AFF3: variants seen among roughly 807,000 people sequenced by gnomAD.
AFF3 encodes the protein ALF transcription elongation factor 3, also known as AF4/FMR2 family member 3.
In AFF3, 32 loss-of-function variants were observed where a neutral mutation model predicts 129.7. The ratio of observed to expected loss-of-function variants is 0.25; its 90% confidence interval spans 0.19 to 0.33. The LOEUF (loss-of-function observed/expected upper bound fraction) is 0.33. Among genes scored for constraint, AFF3 ranks in the 10% least tolerant of loss-of-function variants. AFF3 has a pLI of 1.00. For synonymous variants in AFF3, 644 were observed against 635.4 expected, an observed-to-expected ratio of 1.01 and a Z score of -0.20; for missense variants, 1,373 against 1,592.0, an observed-to-expected ratio of 0.86 and a Z score of 2.34.
At chr2:100,123,413 G>A (rs1031246924) in intron 2 of AFF3, among the ~76,000 whole-genome samples, 5 of 152,084 alleles carry the variant, frequency 3.3e-5, no homozygotes, top group Admixed American at 2.6e-4. Context: ...TATGAAAGTC[G>A]ATATTAACAA....
chr2:100,009,515 A>G (rs1371686768), intron 4 of AFF3, among the ~76,000 whole-genome samples: 1 of 152,156 alleles, frequency 6.6e-6, no homozygotes, highest in Non-Finnish European at 1.5e-5. Flanking sequence ...TATATTTGAC[A>G]CTATCACTCC....
intron 18 of AFF3, among the ~76,000 whole-genome samples, chr2:99,569,312 T>C (rs1204287082): frequency 1.3e-5 from 2 of 152,236 alleles, no homozygotes; most frequent in Non-Finnish European, 2.9e-5. Flanking sequence ...TATGGCTATA[T>C]ATGGGTGAGT....
At position 100,007,164 on chromosome 2, in the gene AFF3, G is replaced by A. The variant is rs781371392; in HGVS notation, c.471C>T (p.Asp157=). 2.4e-5 allele frequency: 39 copies of A among 1,614,126 alleles called. No individual in the cohort carries two copies. Among genetic ancestry groups the A allele is most frequent in the African/African-American group, 1.5e-4 (11 of 75,052 alleles). ...TGTGCTTACTTGCTCTCTGTTGGCCGTCAGAGGGTGGGTGCCCAGCCTTCT... is the reference window on the plus strand; with the variant it reads ...TGTGCTTACTTGCTCTCTGTTGGCCATCAGAGGGTGGGTGCCCAGCCTTCT... The part of the protein sequence containing the change: ...GWQKAGHPPS[D]GQQRATQQGS... The change falls in exon 6 of 25, where the codon GAC becomes GAT. Residue 157 remains aspartate, a synonymous_variant. Coordinates refer to ENST00000672756, the MANE Select transcript of AFF3 (RefSeq NM_001386135.1).
intron 2 of AFF3, among the ~76,000 whole-genome samples, chr2:100,125,260 G>A (rs1417763500): frequency 6.6e-6 from 1 of 152,150 alleles, no homozygotes; most frequent in Non-Finnish European, 1.5e-5. Flanking sequence ...CAATGTCCAA[G>A]ATTCTGGGAG....
chr2:99,748,440 C>A (rs998529415), intron 9 of AFF3, among the ~76,000 whole-genome samples: 3 of 152,122 alleles, frequency 2.0e-5, no homozygotes, highest in African/African-American at 7.2e-5. Context: ...GTGAGTCCAG[C>A]AAGTTAGCGG....
At position 99,601,771 on chromosome 2, in the gene AFF3, G is replaced by A. The variant is rs879198912; in HGVS notation, c.1185-150C>T. 62 of 970,970 alleles carry A rather than the reference G, an allele frequency of 6.4e-5. No homozygotes were observed. The South Asian group carries it at 1.0e-3, about 16-fold the overall frequency. 60.1% of individuals were successfully genotyped at this position (970,970 alleles called of 1,614,324 possible). On this transcript the variant is annotated intron_variant, in intron 13 of 24. Coordinates refer to ENST00000672756, the MANE Select transcript of AFF3 (RefSeq NM_001386135.1). ...CCATGACCTGGAACTCAAAGAGCAG[G>A]CATCGAGGTCAAAGTCATCCTAAAG...
intron 8 of AFF3, among the ~76,000 whole-genome samples, chr2:99,796,281 C>T (rs540964770): frequency 6.6e-6 from 1 of 152,334 alleles, no homozygotes; most frequent in South Asian, 2.1e-4. Flanking sequence ...GCACCCACTG[C>T]AACTGACATA....
chr2:100,036,158 AAAC>A lies in AFF3; in HGVS notation c.54-27229_54-27227del, dbSNP rs1253177877. Among the ~76,000 whole-genome samples, 1,197 of 144,698 alleles carry A rather than the reference AAAC, an allele frequency of 8.3e-3. 36 individuals carry two copies. Among genetic ancestry groups the A allele is most frequent in the Non-Finnish European group, 0.015 (976 of 64,554 alleles). 94.9% of individuals were successfully genotyped at this position (144,698 alleles called of 152,430 possible). A position where few individuals can be genotyped will look rare whatever the true frequency, so the allele number is the denominator to read the frequency against. Reference sequence around the variant, plus strand: ...CTAAAAAAAAAAAAAAAAAAAAAAAAAACAACTTTCTCAAAGTCTTTCCTGGCA... The same window carrying A: ...CTAAAAAAAAAAAAAAAAAAAAAAAAAACTTTCTCAAAGTCTTTCCTGGCA... On this transcript the variant is annotated intron_variant, in intron 4 of 24. Coordinates refer to ENST00000672756, the MANE Select transcript of AFF3 (RefSeq NM_001386135.1).
At chr2:99,771,413 G>GAAA (rs11324032) in intron 8 of AFF3, among the ~76,000 whole-genome samples, 2 of 142,176 alleles carry the variant, frequency 1.4e-5, no homozygotes, top group Admixed American at 1.4e-4. Context: ...AAATGAAGAA[G>GAAA]AAAAAAAAAA....
At chr2:99,648,876 A>AACACAC (rs1183425993) in intron 13 of AFF3, among the ~76,000 whole-genome samples, 3 of 32,770 alleles carry the variant, frequency 9.2e-5, no homozygotes, top group East Asian at 3.3e-3. Flanking sequence ...AGTTCCTCAA[A>AACACAC]ACACGCGCGC....
chr2:100,084,778 C>T (rs538869199), intron 4 of AFF3, among the ~76,000 whole-genome samples: 190 of 151,966 alleles, frequency 1.3e-3, no homozygotes, highest in Middle Eastern at 3.4e-3. Context: ...TGTTTGATGT[C>T]TTATTATACA....
intron 10 of AFF3, among the ~76,000 whole-genome samples, chr2:99,731,611 TA>T (rs1405083037): frequency 1.3e-5 from 2 of 152,212 alleles, no homozygotes; most frequent in Admixed American, 6.5e-5. Context: ...TCCTCCTTAA[TA>T]CTAATTTAGT....
At chr2:99,688,863 C>T (rs1675331873) in intron 11 of AFF3, among the ~76,000 whole-genome samples, 2 of 152,124 alleles carry the variant, frequency 1.3e-5, no homozygotes, top group African/African-American at 4.8e-5. Context: ...AGGAAAATGC[C>T]CGGCATGCAA....
intron 9 of AFF3, among the ~76,000 whole-genome samples, chr2:99,748,967 C>T (rs1180863544): frequency 6.6e-6 from 1 of 152,170 alleles, no homozygotes; most frequent in Non-Finnish European, 1.5e-5. Context: ...TAGGTAATGA[C>T]ATCTAGTACT....
intron 7 of AFF3, among the ~76,000 whole-genome samples, chr2:99,842,616 C>T (rs1387994572): frequency 6.6e-6 from 1 of 152,142 alleles, no homozygotes; most frequent in Non-Finnish European, 1.5e-5. Flanking sequence ...AGCTAGCAAC[C>T]CCAGCTGATT....
intron 7 of AFF3, among the ~76,000 whole-genome samples, chr2:99,850,416 G>C (rs532493052): frequency 4.6e-5 from 7 of 152,144 alleles, no homozygotes; most frequent in Non-Finnish European, 1.0e-4. Context: ...TGGATGCCTC[G>C]TGTTTTTAAA....
intron 7 of AFF3, among the ~76,000 whole-genome samples, chr2:99,916,995 T>A (rs1204712427): frequency 6.6e-6 from 1 of 152,184 alleles, no homozygotes; most frequent in Non-Finnish European, 1.5e-5. Flanking sequence ...CTCTTGTTCA[T>A]ACTGTTCCAC....
intron 10 of AFF3, among the ~76,000 whole-genome samples, chr2:99,738,587 T>C (rs1680448419): frequency 6.6e-6 from 1 of 152,150 alleles, no homozygotes; most frequent in Non-Finnish European, 1.5e-5. Flanking sequence ...GTCTTTCTTT[T>C]TGGCGTCACT....
At chr2:99,606,428 G>C (rs1207634364) in intron 13 of AFF3, among the ~76,000 whole-genome samples, 1 of 152,100 alleles carries the variant, frequency 6.6e-6, no homozygotes, top group Non-Finnish European at 1.5e-5. Context: ...AAACATTATT[G>C]AGATCATGGA....
Sources: allele counts gnomAD v4.1 joint callset (sites outside exome capture counted in the v4.1 genomes callset), GRCh38; gene constraint gnomAD v4.1.1; transcripts MANE v1.5; gene names NCBI Gene and HGNC (gene_info 2026-07-23, HGNC 2026-07-21).